PCDH15: variants seen among roughly 807,000 people sequenced by gnomAD.
PCDH15 encodes the protein protocadherin-15.
PCDH15 carries 129 observed loss-of-function variants against 178.5 expected under a neutral mutation model. That is an observed-to-expected ratio of 0.72 (90% CI 0.63 to 0.84). PCDH15 has a LOEUF of 0.84. PCDH15 is among the 40% of genes least tolerant of loss of function. The pLI, the probability that PCDH15 is intolerant of heterozygous loss-of-function variation, is 0.00. For synonymous variants in PCDH15, 800 were observed against 732.0 expected, an observed-to-expected ratio of 1.09 and a Z score of -1.50; for missense variants, 2,230 against 2,099.9, an observed-to-expected ratio of 1.06 and a Z score of -1.21.
intron 2 of PCDH15, among the ~76,000 whole-genome samples, chr10:55,506,774 T>C (rs993263078): frequency 6.6e-6 from 1 of 151,558 alleles, no homozygotes; most frequent in African/African-American, 2.4e-5. Context: ...TTGATATTGT[T>C]TTAGAGCTAT....
chr10:54,517,775 AC>A (rs2082384756), intron 3 of PCDH15, among the ~76,000 whole-genome samples: 1 of 152,236 alleles, frequency 6.6e-6, no homozygotes, highest in Non-Finnish European at 1.5e-5. Context: ...TCAGCACCAC[AC>A]CACACCTATT....
chr10:54,512,622 T>A (rs11004343), intron 3 of PCDH15, among the ~76,000 whole-genome samples: 31,599 of 152,038 alleles, frequency 0.21, 3,889 homozygotes, highest in Admixed American at 0.34. Context: ...CAAACTCACA[T>A]AACATATTGA....
At chr10:53,811,659 C>T in intron 35 of PCDH15, 40 bp from the exon 36 acceptor site, 2 of 1,329,320 alleles carry the variant, frequency 1.5e-6, no homozygotes, top group Non-Finnish European at 1.0e-6. Flanking sequence ...AAAACGAATT[C>T]TTATCACGTT....
In PCDH15 at chr10:53,903,236, C is replaced by T. The variant is rs756402556; in HGVS notation, c.3501+7G>A. On this transcript the variant is annotated splice_region_variant and intron_variant, in intron 26 of 37. Transcript: ENST00000644397. Reference sequence around the variant, plus strand: ...TTAGTTCTGTATATTAACATAATTCCGCATACCTTCACTCTGAGTACAGAA... The same window carrying T: ...TTAGTTCTGTATATTAACATAATTCTGCATACCTTCACTCTGAGTACAGAA... 9 of 1,612,140 alleles carry T rather than the reference C, an allele frequency of 5.6e-6. No homozygotes were observed. Among genetic ancestry groups the T allele is most frequent in the Non-Finnish European group, 6.8e-6 (8 of 1,179,026 alleles).
At chr10:54,910,675 A>G (rs1427837775) in intron 2 of PCDH15, among the ~76,000 whole-genome samples, 1 of 152,156 alleles carries the variant, frequency 6.6e-6, no homozygotes, top group Non-Finnish European at 1.5e-5. Flanking sequence ...ACCTACTCCA[A>G]CATTTTCAAC....
At position 54,910,997 on chromosome 10, in the gene PCDH15, G is replaced by C. The variant is rs192056499; in HGVS notation, c.-79-13497C>G. ...GGAAACAAAGACATGTTGGAGATGA[G>C]ATTAGTGCTCAGGTATCAGGGAAAG... On this transcript the variant is annotated intron_variant, in intron 2 of 5. Coordinates refer to the PCDH15 transcript ENST00000458638. Among the ~76,000 whole-genome samples the C allele has an allele frequency of 8.5e-4, 129 of 152,282 alleles. 1 individual carries two copies. Among genetic ancestry groups the C allele is most frequent in the African/African-American group, 3.0e-3 (126 of 41,558 alleles).
At chr10:55,154,095 T>C (rs1387967250) in intron 2 of PCDH15, among the ~76,000 whole-genome samples, 1 of 152,132 alleles carries the variant, frequency 6.6e-6, no homozygotes, top group East Asian at 1.9e-4. Context: ...GCCTAATTTC[T>C]GGCAGAACAT....
At chr10:55,134,898 T>G (rs1838147099) in intron 2 of PCDH15, among the ~76,000 whole-genome samples, 2 of 152,160 alleles carry the variant, frequency 1.3e-5, no homozygotes, top group Admixed American at 1.3e-4. Context: ...AAACAAAAAT[T>G]TAGAATCTTC....
intron 7 of PCDH15, among the ~76,000 whole-genome samples, chr10:54,323,477 A>G (rs1382450064): frequency 6.6e-6 from 1 of 152,168 alleles, no homozygotes; most frequent in Non-Finnish European, 1.5e-5. Flanking sequence ...GTGCCCATCA[A>G]TAGTGGATTG....
chr10:54,328,337 C>T (rs1348461905), intron 7 of PCDH15, among the ~76,000 whole-genome samples: 9 of 151,938 alleles, frequency 5.9e-5, no homozygotes, highest in Non-Finnish European at 1.3e-4. Context: ...ACGGTTATTT[C>T]AAAAACGTAA....
intron 2 of PCDH15, among the ~76,000 whole-genome samples, chr10:55,444,957 T>C (rs1396681446): frequency 1.3e-5 from 2 of 152,116 alleles, no homozygotes; most frequent in Admixed American, 6.6e-5. Flanking sequence ...ATGATGAATA[T>C]ATTTAATATT....
At chr10:55,160,020 ATCT>A (rs1839019254) in intron 2 of PCDH15, among the ~76,000 whole-genome samples, 1 of 151,806 alleles carries the variant, frequency 6.6e-6, no homozygotes, top group African/African-American at 2.4e-5. Flanking sequence ...GCTACTCCAA[ATCT>A]TCTTCTACCC....
chr10:54,299,886 C>T (rs574914554), intron 8 of PCDH15, among the ~76,000 whole-genome samples: 1 of 152,134 alleles, frequency 6.6e-6, no homozygotes, highest in African/African-American at 2.4e-5. Context: ...ATGGACTGAA[C>T]GAGGTTTTCA....
In PCDH15 at chr10:55,258,194, G is replaced by A. The variant is rs138287148; in HGVS notation, c.-156+61405C>T. ...TAGAAATAATAGGGACATGAGAATT[G>A]GAGTATTTTAAGAAAACTATAATTG... On this transcript the variant is annotated intron_variant, in intron 1 of 5. Transcript: ENST00000458638. 9.1e-4 allele frequency among the ~76,000 whole-genome samples: 139 copies of A among 152,228 alleles called. 3 individuals carry two copies. The East Asian group carries it at 0.024, about 26-fold the overall frequency.
rs187586847 is a variant in PCDH15 at position 55,098,282 on chromosome 10, G to A, written c.-80+68294C>T. Among the ~76,000 whole-genome samples the A allele has an allele frequency of 3.2e-3, 480 of 152,248 alleles. 3 individuals carry two copies. Among genetic ancestry groups the A allele is most frequent in the African/African-American group, 0.011 (469 of 41,576 alleles). On this transcript the variant is annotated intron_variant, in intron 2 of 5. Transcript: ENST00000458638. The stretch of plus-strand genomic sequence containing the variant: ...ACTCTGAAGTAGTGGAGGGCCATAT[G>A]TTATTAAATGGAAGAACCAGAATCA...
intron 1 of PCDH15, among the ~76,000 whole-genome samples, chr10:54,712,585 T>C (rs1259422772): frequency 2.0e-5 from 3 of 152,002 alleles, no homozygotes; most frequent in Non-Finnish European, 4.4e-5. Flanking sequence ...TATAGGTTGA[T>C]GGGTGCACCC....
At chr10:54,006,856 G>A (rs745676158) in intron 20 of PCDH15, among the ~76,000 whole-genome samples, 9 of 151,908 alleles carry the variant, frequency 5.9e-5, no homozygotes, top group African/African-American at 1.9e-4. Context: ...TTCATTTCTC[G>A]TCATTTCACC....
chr10:55,144,948 A>T (rs896825965), intron 2 of PCDH15, among the ~76,000 whole-genome samples: 4 of 152,032 alleles, frequency 2.6e-5, no homozygotes, highest in African/African-American at 9.7e-5. Context: ...AATTACAGCC[A>T]TTCTTAATAA....
At chr10:54,192,116 A>AAG (rs1554832228) in intron 11 of PCDH15, among the ~76,000 whole-genome samples, 10 of 140,700 alleles carry the variant, frequency 7.1e-5, no homozygotes, top group East Asian at 2.2e-4. Context: ...AGAAAAAAAA[A>AAG]AAAGAAAGAA....
Sources: allele counts gnomAD v4.1 joint callset (sites outside exome capture counted in the v4.1 genomes callset), GRCh38; gene constraint gnomAD v4.1.1; transcripts MANE v1.5; gene names NCBI Gene and HGNC (gene_info 2026-07-23, HGNC 2026-07-21).